Variants in AMPH observed in about 807,000 individuals in gnomAD.
AMPH encodes the protein amphiphysin (Stiff-Mann syndrome with breast cancer 128kD autoantigen).
In AMPH, 49 loss-of-function variants were observed where a neutral mutation model predicts 99.1. The observed-to-expected ratio is 0.49, with a 90% CI of 0.39 to 0.63. AMPH has a LOEUF of 0.63. Ranked by LOEUF, AMPH falls within the 20% of genes least tolerant of loss-of-function variation. AMPH has a pLI of 0.00. For synonymous variants in AMPH, 314 were observed against 317.3 expected, an observed-to-expected ratio of 0.99 and a Z score of 0.11; for missense variants, 759 against 863.4, an observed-to-expected ratio of 0.88 and a Z score of 1.52.
Position 38,389,857 on chromosome 7 carries a change from A to G in AMPH, c.1927T>C (p.Leu643=). Residue 643 remains leucine, a synonymous_variant, in exon 20 of 21, where the codon TTA becomes CTA. Transcript: ENST00000356264. Reference sequence around the variant, plus strand: ...ACCAGCACCACATCACCCCTTTGTAAGGTAAGTTCATCAGAATTTGCTGCC... The same window carrying G: ...ACCAGCACCACATCACCCCTTTGTAGGGTAAGTTCATCAGAATTTGCTGCC... ...FEAANSDELT[L]QRGDVVLVVP... 6.2e-7 allele frequency: 1 copy of G among 1,613,962 alleles called. No individual in the cohort carries two copies. The highest frequency in any genetic ancestry group is 8.5e-7 in the Non-Finnish European group (1 of 1,180,018).
At chr7:38,477,210 G>T (rs79227404) in intron 5 of AMPH, among the ~76,000 whole-genome samples, 14,688 of 151,800 alleles carry the variant, frequency 0.097, 939 homozygotes, top group Middle Eastern at 0.2. Context: ...CTAATCACAA[G>T]CAGCTGAGGG....
At chr7:38,520,746 T>C (rs187870193) in intron 2 of AMPH, among the ~76,000 whole-genome samples, 192 of 152,300 alleles carry the variant, frequency 1.3e-3, no homozygotes, top group Non-Finnish European at 2.1e-3. Flanking sequence ...CATAAGGAGA[T>C]GGCAGATCCG....
intron 1 of AMPH, among the ~76,000 whole-genome samples, chr7:38,594,922 T>C (rs1792996035): frequency 6.6e-6 from 1 of 152,028 alleles, no homozygotes; most frequent in Non-Finnish European, 1.5e-5. Flanking sequence ...AGAGATTAGA[T>C]GGAAGTAAAA....
chr7:38,521,342 C>T (rs1249929301), intron 2 of AMPH, among the ~76,000 whole-genome samples: 2 of 152,194 alleles, frequency 1.3e-5, no homozygotes, highest in South Asian at 4.2e-4. Flanking sequence ...GCCAACATGG[C>T]AAAACCTGTC....
intron 2 of AMPH, among the ~76,000 whole-genome samples, chr7:38,530,791 A>G (rs1365669211): frequency 6.6e-6 from 1 of 152,216 alleles, no homozygotes; most frequent in Non-Finnish European, 1.5e-5. Flanking sequence ...CAATTTTGCT[A>G]CTTGTTAACA....
At chr7:38,441,770 G>GATATATATCATATATCTGTC (rs1786527782) in intron 11 of AMPH, among the ~76,000 whole-genome samples, 3 of 85,842 alleles carry the variant, frequency 3.5e-5, no homozygotes, top group Non-Finnish European at 4.8e-5. Flanking sequence ...TCATATATAT[G>GATATATATCATATATCTGTC]ATATATATCA....
chr7:38,534,943 G>C lies in AMPH; in HGVS notation c.138C>G (p.Phe46Leu). The change falls in exon 2 of 21, where the codon TTC (phenylalanine) becomes TTG (leucine). Residue 46 changes from phenylalanine (F) to leucine (L), a missense_variant. Transcript: ENST00000356264. ...CAAATGGACTCACTTCTTGCCGTTTGAAGTTCTGGACATATTCTTCGAACT... is the reference window on the plus strand; with the variant it reads ...CAAATGGACTCACTTCTTGCCGTTTCAAGTTCTGGACATATTCTTCGAACT... ...DEQFEEYVQN[F>L]KRQEAEGTRL... 6.2e-7 allele frequency: 1 copy of C among 1,613,876 alleles called. No individual in the cohort carries two copies. Among genetic ancestry groups the C allele is most frequent in the Non-Finnish European group, 8.5e-7 (1 of 1,179,848 alleles).
In AMPH at chr7:38,428,043, C is replaced by A. The variant is rs1477112191; in HGVS notation, c.1183-1057G>T. 3 of 456,540 alleles carry A rather than the reference C, an allele frequency of 6.6e-6. No individual in the cohort carries two copies. In the Admixed American group the frequency reaches 7.0e-5, roughly 11 times the overall value. The allele number at this position is 456,540 out of a possible 1,614,324, so 28.3% of individuals were successfully genotyped here. On this transcript the variant is annotated intron_variant, in intron 14 of 20. Coordinates refer to ENST00000356264, the MANE Select transcript of AMPH (RefSeq NM_001635.4). Reference sequence around the variant, plus strand: ...GCAGCTAGCAATGGCTTGTTCCCTACAATCACCTGCTAGTAAGTCCACCTT... The same window carrying A: ...GCAGCTAGCAATGGCTTGTTCCCTAAAATCACCTGCTAGTAAGTCCACCTT...
rs576510684 is a variant in AMPH at position 38,385,199 on chromosome 7, AAGCAT to A, written c.1981-279_1981-275del. Among the ~76,000 whole-genome samples, 10 of 152,350 alleles carry A rather than the reference AAGCAT, an allele frequency of 6.6e-5. No individual in the cohort carries two copies. In the South Asian group the frequency reaches 1.4e-3, roughly 22 times the overall value. Reference sequence around the variant, plus strand: ...ATGCTTTGTACATTGTGACTGTACAAAGCATAGTTAATTGATATTAACTGGATTAT... The same window carrying A: ...ATGCTTTGTACATTGTGACTGTACAAAGTTAATTGATATTAACTGGATTAT... On this transcript the variant is annotated intron_variant, in intron 20 of 20. Coordinates refer to ENST00000356264, the MANE Select transcript of AMPH (RefSeq NM_001635.4).
At position 38,461,380 on chromosome 7, in the gene AMPH, G is replaced by A; in HGVS notation, c.920C>T (p.Pro307Leu). ...TRKGPPVPPLPKVTPTKELQQ... is the reference protein window; with the variant it reads ...TRKGPPVPPLLKVTPTKELQQ... ...CAGTTCCTTTGTCGGGGTGACTTTAGGTAGAGGTGGGACAGGAGGCCCTTT... is the reference window on the plus strand; with the variant it reads ...CAGTTCCTTTGTCGGGGTGACTTTAAGTAGAGGTGGGACAGGAGGCCCTTT... The change falls in exon 11 of 21, where the codon CCT becomes CTT. Residue 307 changes from proline to leucine, a missense_variant. By Grantham distance (98) the Pro-to-Leu change is moderately conservative. Around this residue, in one of 2 missense-constraint regions of AMPH, gnomAD observed 554 missense variants for 575.6 expected, o/e 0.96. Coordinates refer to ENST00000356264, the MANE Select transcript of AMPH (RefSeq NM_001635.4). 1.9e-6 allele frequency: 3 copies of A among 1,614,176 alleles called. No individual in the cohort carries two copies. The Middle Eastern group carries it at 5.0e-4, about 266-fold the overall frequency.
At chr7:38,548,745 C>T (rs1238357211) in intron 1 of AMPH, among the ~76,000 whole-genome samples, 1 of 152,192 alleles carries the variant, frequency 6.6e-6, no homozygotes, top group African/African-American at 2.4e-5. Flanking sequence ...GTCTGATTTA[C>T]ATAGGGCACA....
Position 38,584,584 on chromosome 7 carries a change from C to T in AMPH, c.69+46699G>A, listed in dbSNP as rs191414129. 1.1e-4 allele frequency among the ~76,000 whole-genome samples: 17 copies of T among 152,304 alleles called. No individual in the cohort carries two copies. The East Asian group carries it at 3.3e-3, about 29-fold the overall frequency. On this transcript the variant is annotated intron_variant, in intron 1 of 20. Transcript: ENST00000356264. ...ATCAAAGCTCCCTGCAGAGATATGC[C>T]ATTCCTGAACTGGTAGGTCACTCTT... is the stretch of plus-strand genomic sequence containing the variant.
chr7:38,560,300 C>T (rs931983250), intron 1 of AMPH, among the ~76,000 whole-genome samples: 1 of 152,194 alleles, frequency 6.6e-6, no homozygotes. Context: ...ATGCAGTACA[C>T]ACAGCCATCT....
intron 5 of AMPH, among the ~76,000 whole-genome samples, chr7:38,486,463 A>C (rs1188106577): frequency 3.3e-5 from 5 of 152,044 alleles, no homozygotes; most frequent in Non-Finnish European, 5.9e-5. Flanking sequence ...CAACAACAAC[A>C]AAACCAAGAC....
intron 1 of AMPH, among the ~76,000 whole-genome samples, chr7:38,551,781 C>G: frequency 6.6e-6 from 1 of 152,140 alleles, no homozygotes; most frequent in East Asian, 1.9e-4. Flanking sequence ...GGCTGCACAT[C>G]CCAGGTAGGC....
intron 1 of AMPH, among the ~76,000 whole-genome samples, chr7:38,551,768 C>T (rs1192461546): frequency 1.3e-5 from 2 of 152,142 alleles, no homozygotes; most frequent in East Asian, 1.9e-4. Context: ...GAGAAACATC[C>T]GTGGCTGCAC....
At chr7:38,571,314 T>C (rs185811275) in intron 1 of AMPH, among the ~76,000 whole-genome samples, 7 of 66,100 alleles carry the variant, frequency 1.1e-4, no homozygotes, top group African/African-American at 2.3e-4. Flanking sequence ...TATATATTTA[T>C]ATATAGAATA....
rs376003397 is a variant in AMPH, at chr7:38,463,055, G to C, written c.808C>G (p.Leu270Val). 3.7e-6 allele frequency: 6 copies of C among 1,612,076 alleles called. No homozygotes were observed. Among genetic ancestry groups the C allele is most frequent in the African/African-American group, 1.3e-5 (1 of 74,860 alleles). The change falls in exon 10 of 21, where the codon CTC becomes GTC. Residue 270 changes from leucine (L) to valine (V), a missense_variant. This residue lies in a region of AMPH where 554 missense variants were observed against 575.6 expected (regional missense o/e 0.96). Transcript: ENST00000356264. ...TPSPPEEPSP[L>V]PSPTASPNHT... is the part of the protein sequence containing the mutation. The stretch of plus-strand genomic sequence containing the variant: ...TTTGGACTTGCTGTCGGGCTCGGGA[G>C]GGGTGAAGGCTCCTCAGGCGGTGAT...
chr7:38,411,894 G>A (rs967449894), intron 17 of AMPH, among the ~76,000 whole-genome samples: 7 of 152,188 alleles, frequency 4.6e-5, no homozygotes, highest in Non-Finnish European at 2.9e-5. Flanking sequence ...TTCTTATCCT[G>A]AAGCTAATGA....
Sources: allele counts gnomAD v4.1 joint callset (sites outside exome capture counted in the v4.1 genomes callset), GRCh38; gene constraint gnomAD v4.1.1; regional missense constraint gnomAD v4.1.1; transcripts MANE v1.5; gene names NCBI Gene and HGNC (gene_info 2026-07-23, HGNC 2026-07-21).